The following PLEKHA5 variants were observed in gnomAD, a reference collection of about 807,000 sequenced individuals.
The protein encoded by PLEKHA5 is pleckstrin homology domain containing A5.
PLEKHA5 carries 55 observed loss-of-function variants against 181.9 expected under a neutral mutation model. The observed-to-expected ratio is 0.30, with a 90% CI of 0.24 to 0.38. The LOEUF is 0.38. Ranked by LOEUF, PLEKHA5 falls within the 10% of genes least tolerant of loss-of-function variation. The probability of loss-of-function intolerance (pLI) is 1.00; values close to 1 mark genes in which losing one functional copy is unlikely to be tolerated. For missense variants in PLEKHA5, 1,432 were observed against 1,549.5 expected, an observed-to-expected ratio of 0.92 and a Z score of 1.27; for synonymous variants, 535 against 529.4, an observed-to-expected ratio of 1.01 and a Z score of -0.15.
intron 3 of PLEKHA5, chr12:19,151,767 A>G (rs2040438367): frequency 6.6e-6 from 1 of 152,112 alleles, no homozygotes; most frequent in Non-Finnish European, 1.5e-5. Flanking sequence ...ACTGTTGTCA[A>G]GTGTAAAATT....
chr12:19,309,675 G>A (rs771527076), intron 15 of PLEKHA5, among the ~76,000 whole-genome samples: 3 of 152,008 alleles, frequency 2.0e-5, no homozygotes, highest in Non-Finnish European at 4.4e-5. Context: ...AACCCGGGAG[G>A]TGGAGGTTGC....
chr12:19,349,355 T>G (rs2094481183), intron 25 of PLEKHA5, among the ~76,000 whole-genome samples: 1 of 152,158 alleles, frequency 6.6e-6, no homozygotes, highest in Admixed American at 6.6e-5. Flanking sequence ...GGATCAAGCA[T>G]TCCTTCCACC....
At chr12:19,158,007 C>T (rs1167355849) in intron 3 of PLEKHA5, among the ~76,000 whole-genome samples, 2 of 152,052 alleles carry the variant, frequency 1.3e-5, no homozygotes, top group Non-Finnish European at 2.9e-5. Flanking sequence ...ACTAATACAG[C>T]TATTGCCATA....
intron 3 of PLEKHA5, among the ~76,000 whole-genome samples, chr12:19,145,661 C>T (rs1354346742): frequency 6.6e-6 from 1 of 151,962 alleles, no homozygotes; most frequent in Non-Finnish European, 1.5e-5. Flanking sequence ...TGTTGGACAT[C>T]GAGGTTTTTT....
intron 3 of PLEKHA5, among the ~76,000 whole-genome samples, chr12:19,157,093 T>TACACACACACAC (rs1484867794): frequency 2.0e-4 from 4 of 19,564 alleles, no homozygotes; most frequent in African/African-American, 4.3e-4. Flanking sequence ...TATCTATATG[T>TACACACACACAC]ACATACACAC....
At chr12:19,339,206 A>G (rs1347099311) in intron 21 of PLEKHA5, among the ~76,000 whole-genome samples, 1 of 151,844 alleles carries the variant, frequency 6.6e-6, no homozygotes, top group Non-Finnish European at 1.5e-5. Flanking sequence ...ATACCTGGCT[A>G]ATTTTTGTAT....
At chr12:19,270,880 G>A (rs1388684390) in intron 10 of PLEKHA5, among the ~76,000 whole-genome samples, 1 of 151,560 alleles carries the variant, frequency 6.6e-6, no homozygotes, top group Non-Finnish European at 1.5e-5. Flanking sequence ...TCTTATTCTA[G>A]TGTGCATTTT....
intron 21 of PLEKHA5, among the ~76,000 whole-genome samples, chr12:19,337,868 C>T (rs1210262511): frequency 1.3e-5 from 2 of 151,800 alleles, no homozygotes; most frequent in East Asian, 3.9e-4. Flanking sequence ...CCCATCTCTA[C>T]TAAAAATACA....
intron 3 of PLEKHA5, among the ~76,000 whole-genome samples, chr12:19,168,387 A>G (rs2045052400): frequency 6.6e-6 from 1 of 152,220 alleles, no homozygotes; most frequent in South Asian, 2.1e-4. Flanking sequence ...TTGTATAACC[A>G]AAGTGAATTA....
chr12:19,359,214 T>C (rs1358055061), intron 27 of PLEKHA5, among the ~76,000 whole-genome samples, 198 bp from the exon 28 acceptor site: 1 of 152,180 alleles, frequency 6.6e-6, no homozygotes, highest in African/African-American at 2.4e-5. Context: ...ACAAAATGAA[T>C]GGTTTTTTTT....
intron 20 of PLEKHA5, among the ~76,000 whole-genome samples, chr12:19,324,202 T>A (rs1471434488): frequency 6.6e-6 from 1 of 152,216 alleles, no homozygotes; most frequent in Non-Finnish European, 1.5e-5. Context: ...ACTTGGCTTC[T>A]ATTCTGAACC....
chr12:19,207,912 G>A (rs957145930), intron 3 of PLEKHA5, among the ~76,000 whole-genome samples: 5 of 152,116 alleles, frequency 3.3e-5, no homozygotes, highest in Admixed American at 2.0e-4. Context: ...GATTGTAATA[G>A]TTATATAAGT....
intron 3 of PLEKHA5, among the ~76,000 whole-genome samples, chr12:19,180,718 G>A (rs915777117): frequency 6.6e-6 from 1 of 151,838 alleles, no homozygotes; most frequent in Non-Finnish European, 1.5e-5. Flanking sequence ...TTGGTCATAT[G>A]AGTTTTTAAA....
intron 23 of PLEKHA5, among the ~76,000 whole-genome samples, chr12:19,346,167 TATC>T (rs1270802068): frequency 6.6e-6 from 1 of 152,196 alleles, no homozygotes. Context: ...TTTGAATACT[TATC>T]ATTGTTTCTT....
intron 3 of PLEKHA5, among the ~76,000 whole-genome samples, chr12:19,178,806 T>G (rs974259866): frequency 2.0e-5 from 3 of 152,220 alleles, no homozygotes; most frequent in African/African-American, 7.2e-5. Flanking sequence ...TGGATTGATT[T>G]CTTTAAAACA....
intron 20 of PLEKHA5, among the ~76,000 whole-genome samples, chr12:19,329,937 A>T (rs1167583273): frequency 6.6e-6 from 1 of 151,910 alleles, no homozygotes; most frequent in Non-Finnish European, 1.5e-5. Flanking sequence ...AAAAACAAAA[A>T]AAACTAGCCG....
intron 3 of PLEKHA5, among the ~76,000 whole-genome samples, chr12:19,166,337 G>A (rs1309058909): frequency 6.6e-6 from 1 of 152,124 alleles, no homozygotes; most frequent in Non-Finnish European, 1.5e-5. Flanking sequence ...ACGTGTCGTG[G>A]TTCTAAATGT....
intron 3 of PLEKHA5, chr12:19,201,494 T>C (rs1037677961): frequency 1.3e-5 from 2 of 152,084 alleles, no homozygotes; most frequent in Non-Finnish European, 2.9e-5. Flanking sequence ...ATGTTAAGAA[T>C]GAAAACGTGT....
At chr12:19,289,241 C>G (rs920851553) in intron 13 of PLEKHA5, among the ~76,000 whole-genome samples, 2 of 152,200 alleles carry the variant, frequency 1.3e-5, no homozygotes, top group Non-Finnish European at 2.9e-5. Flanking sequence ...GTTGTCTCAC[C>G]TGTGGATACC....
Sources: allele counts gnomAD v4.1 joint callset (sites outside exome capture counted in the v4.1 genomes callset), GRCh38; gene constraint gnomAD v4.1.1; transcripts MANE v1.5; gene names NCBI Gene and HGNC (gene_info 2026-07-23, HGNC 2026-07-21).